Variants in ZSWIM6 observed in about 807,000 individuals in gnomAD.
ZSWIM6 encodes zinc finger SWIM-type containing 6, also known as zinc finger SWIM domain-containing protein 6.
In ZSWIM6, 9 loss-of-function variants were observed where a neutral mutation model predicts 113.2. That is an observed-to-expected ratio of 0.08 (90% CI 0.05 to 0.14). ZSWIM6 has a LOEUF of 0.14. Among genes scored for constraint, ZSWIM6 ranks in the 10% least tolerant of loss-of-function variants. ZSWIM6 has a pLI of 1.00. For synonymous variants in ZSWIM6, 611 were observed against 606.5 expected (o/e 1.01, Z -0.11); for missense variants, 1,162 against 1,552.2 (o/e 0.75, Z 4.22).
At chr5:61,490,989 A>G (rs1199233241) in intron 3 of ZSWIM6, 55 bp downstream of exon 3, 9 of 1,412,346 alleles carry the variant, frequency 6.4e-6, no homozygotes, top group Admixed American at 3.1e-5. Context: ...TATAGGGACT[A>G]TCTGAATATG....
chr5:61,435,513 G>A (rs1462343442), intron 1 of ZSWIM6, among the ~76,000 whole-genome samples: 2 of 152,164 alleles, frequency 1.3e-5, no homozygotes. Flanking sequence ...TGGCTAGAAA[G>A]AACAAATAGA....
chr5:61,462,516 G>C (rs1041566785), intron 1 of ZSWIM6, among the ~76,000 whole-genome samples: 13 of 152,236 alleles, frequency 8.5e-5, no homozygotes, highest in Non-Finnish European at 1.9e-4. Flanking sequence ...TAGTTTGGAA[G>C]TATGGATATA....
intron 4 of ZSWIM6, among the ~76,000 whole-genome samples, chr5:61,501,272 T>G (rs771190144): frequency 6.6e-6 from 1 of 152,130 alleles, no homozygotes; most frequent in Non-Finnish European, 1.5e-5. Flanking sequence ...TTCTGCTTCT[T>G]TAAGTAAACA....
intron 1 of ZSWIM6, among the ~76,000 whole-genome samples, chr5:61,372,297 T>C (rs1208355067): frequency 6.6e-6 from 1 of 152,040 alleles, no homozygotes; most frequent in Non-Finnish European, 1.5e-5. Context: ...TTTTTTTTTT[T>C]CATATCCAAA....
intron 4 of ZSWIM6, among the ~76,000 whole-genome samples, chr5:61,514,900 C>A (rs1198911949): frequency 6.6e-6 from 1 of 152,122 alleles, no homozygotes; most frequent in African/African-American, 2.4e-5. Flanking sequence ...AGTGGGAACC[C>A]TTCCCTCCTC....
chr5:61,476,240 G>A (rs1747704748), intron 2 of ZSWIM6, among the ~76,000 whole-genome samples: 1 of 151,942 alleles, frequency 6.6e-6, no homozygotes, highest in African/African-American at 2.4e-5. Context: ...ATTTTATCCT[G>A]GGGAATTAAA....
chr5:61,501,667 T>G (rs1216882502), intron 4 of ZSWIM6, among the ~76,000 whole-genome samples: 1 of 152,224 alleles, frequency 6.6e-6, no homozygotes, highest in African/African-American at 2.4e-5. Context: ...TGGTGAGGAA[T>G]TAAGATGCTT....
At chr5:61,517,343 G>T (rs1407323716) in intron 4 of ZSWIM6, among the ~76,000 whole-genome samples, 2 of 151,902 alleles carry the variant, frequency 1.3e-5, no homozygotes, top group Non-Finnish European at 2.9e-5. Flanking sequence ...CTTTTCTTCA[G>T]TTGAGATCAT....
At chr5:61,421,725 G>A (rs1387976749) in intron 1 of ZSWIM6, among the ~76,000 whole-genome samples, 1 of 152,164 alleles carries the variant, frequency 6.6e-6, no homozygotes, top group Non-Finnish European at 1.5e-5. Context: ...GTGAGAACAT[G>A]TTTTATTTGG....
At position 61,349,563 on chromosome 5, in the gene ZSWIM6, C is replaced by T. The variant is rs116685360; in HGVS notation, c.676+16615C>T. 1.5e-3 allele frequency among the ~76,000 whole-genome samples: 234 copies of T among 152,038 alleles called. 1 individual carries two copies. The highest frequency in any genetic ancestry group is 5.5e-3 in the African/African-American group (229 of 41,502). On this transcript the variant is annotated intron_variant, in intron 1 of 13. Coordinates refer to ENST00000252744, the MANE Select transcript of ZSWIM6 (RefSeq NM_020928.2). ...TGGTTTTCAGTACTGGGTTTGTCAT[C>T]AATATATTTCTCCAAATACCGTGTA...
chr5:61,343,748 T>A (rs1744595605), intron 1 of ZSWIM6, among the ~76,000 whole-genome samples: 2 of 152,126 alleles, frequency 1.3e-5, no homozygotes, highest in African/African-American at 2.4e-5. Context: ...AAAATAAGAT[T>A]CTAAAACCCA....
intron 1 of ZSWIM6, among the ~76,000 whole-genome samples, chr5:61,442,680 C>T (rs1746866280): frequency 6.6e-6 from 1 of 152,202 alleles, no homozygotes; most frequent in African/African-American, 2.4e-5. Context: ...AGTCAAAGCC[C>T]TGGGAATATG....
intron 1 of ZSWIM6, among the ~76,000 whole-genome samples, chr5:61,433,810 T>C (rs1385383459): frequency 6.6e-6 from 1 of 151,870 alleles, no homozygotes; most frequent in Non-Finnish European, 1.5e-5. Context: ...TTTAATTATG[T>C]AAATATAAAG....
intron 1 of ZSWIM6, among the ~76,000 whole-genome samples, chr5:61,407,152 A>G (rs550251344): frequency 6.6e-6 from 1 of 152,332 alleles, no homozygotes; most frequent in South Asian, 2.1e-4. Flanking sequence ...TAAAATTAAC[A>G]CTGGTGTAAG....
intron 1 of ZSWIM6, among the ~76,000 whole-genome samples, chr5:61,364,196 C>T (rs1745105399): frequency 6.6e-6 from 1 of 152,044 alleles, no homozygotes; most frequent in Non-Finnish European, 1.5e-5. Flanking sequence ...AGGCACGCAC[C>T]ACCATGCCCG....
intron 2 of ZSWIM6, among the ~76,000 whole-genome samples, chr5:61,482,154 A>G (rs571682109): frequency 4.1e-4 from 62 of 152,344 alleles, no homozygotes; most frequent in African/African-American, 1.5e-3. Flanking sequence ...GTAGACATAA[A>G]TTTTGCAAAT....
intron 4 of ZSWIM6, among the ~76,000 whole-genome samples, chr5:61,502,077 C>A (rs1256331255): frequency 6.6e-6 from 1 of 152,076 alleles, no homozygotes; most frequent in Non-Finnish European, 1.5e-5. Context: ...GCAAGACAAG[C>A]TGGGGAAGAA....
chr5:61,448,720 A>G (rs950515517), intron 1 of ZSWIM6, among the ~76,000 whole-genome samples: 1 of 152,164 alleles, frequency 6.6e-6, no homozygotes, highest in Non-Finnish European at 1.5e-5. Context: ...TGAACCAAGA[A>G]ATATATGGGG....
chr5:61,441,604 A>G (rs968111593), intron 1 of ZSWIM6, among the ~76,000 whole-genome samples: 1 of 152,188 alleles, frequency 6.6e-6, no homozygotes, highest in Admixed American at 6.5e-5. Context: ...TTAAGGCTTA[A>G]TTGGTTAAAT....
Sources: allele counts gnomAD v4.1 joint callset (sites outside exome capture counted in the v4.1 genomes callset), GRCh38; gene constraint gnomAD v4.1.1; transcripts MANE v1.5; gene names NCBI Gene and HGNC (gene_info 2026-07-23, HGNC 2026-07-21).